The following CCDC196 variants were observed in gnomAD, a reference collection of about 807,000 sequenced individuals.
CCDC196 encodes the protein coiled-coil domain-containing protein 196.
chr14:66,491,232 C>T (rs1037081163), intron 6 of CCDC196, 128 bp downstream of exon 6: 1 of 400,212 alleles, frequency 2.5e-6, no homozygotes, highest in Non-Finnish European at 4.4e-6. Context: ...ATTTGGTTCC[C>T]TTGTGTTACT....
At chr14:66,494,816 G>A (rs1054819125) in intron 8 of CCDC196, 3 of 152,094 alleles carry the variant, frequency 2.0e-5, no homozygotes, top group Non-Finnish European at 4.4e-5. Flanking sequence ...ACGCGGTCAG[G>A]AGATTGAGAC....
intron 8 of CCDC196, among the ~76,000 whole-genome samples, chr14:66,492,466 C>T (rs952966797): frequency 4.6e-5 from 7 of 151,874 alleles, no homozygotes; most frequent in African/African-American, 1.2e-4. Flanking sequence ...CTCAGCCTTC[C>T]GAGTAGCTGG....
chr14:66,496,104 G>A (rs192664760), intron 8 of CCDC196: 3 of 348,162 alleles, frequency 8.6e-6, no homozygotes, highest in East Asian at 1.5e-4. Flanking sequence ...ACTTAACAGT[G>A]TTACAGGACA....
intron 2 of CCDC196, 36 bp downstream of exon 2, chr14:66,486,845 A>C (rs913895095): frequency 7.3e-6 from 3 of 412,424 alleles, no homozygotes; most frequent in Non-Finnish European, 1.3e-5. Flanking sequence ...AGAGGTAAAA[A>C]GGCTGGAGAA....
intron 8 of CCDC196, chr14:66,496,451 T>A: frequency 2.2e-6 from 1 of 446,720 alleles, no homozygotes; most frequent in South Asian, 1.6e-5. Flanking sequence ...GTCATCCATG[T>A]TATCTCTTTG....
intron 8 of CCDC196, among the ~76,000 whole-genome samples, chr14:66,493,121 C>A (rs184542536): frequency 3.9e-4 from 58 of 149,448 alleles, no homozygotes; most frequent in Admixed American, 8.6e-4. Context: ...CAAGGGATGA[C>A]AATGTTCTAT....
rs368752530 is a variant in CCDC196 at position 66,488,674 on chromosome 14, G to T, written c.301-313G>T. ...GGATCTTAAAAATTAAAAATTAGTG[G>T]TCTAAGCCCCCAAGAAATGGCCACA... On this transcript the variant is annotated intron_variant, in intron 3 of 9. Transcript: ENST00000636229. Among the ~76,000 whole-genome samples the T allele has an allele frequency of 5.3e-5, 8 of 152,100 alleles. No individual in the cohort carries two copies. The East Asian group carries it at 1.4e-3, about 26-fold the overall frequency.
chr14:66,488,397 C>G, intron 3 of CCDC196, 141 bp downstream of exon 3: 1 of 394,634 alleles, frequency 2.5e-6, no homozygotes, highest in Non-Finnish European at 4.5e-6. Flanking sequence ...TCTAGAAAGT[C>G]CAGGGTGACC....
chr14:66,490,605 C>G (rs970248643), intron 4 of CCDC196, 137 bp from the exon 5 acceptor site: 2 of 396,464 alleles, frequency 5.0e-6, no homozygotes, highest in Non-Finnish European at 8.9e-6. Context: ...TCTCAACTCC[C>G]TTTGGTAGTA....
intron 8 of CCDC196, chr14:66,496,276 C>T (rs1301249168): frequency 2.2e-6 from 1 of 456,262 alleles, no homozygotes; most frequent in South Asian, 1.5e-5. Flanking sequence ...GTACTCTTAG[C>T]CAAGAATTCC....
Position 66,488,251 on chromosome 14 carries a change from A to C in CCDC196, c.295A>C (p.Asn99His). The C allele has an allele frequency of 4.8e-6, 2 of 413,024 alleles. No individual in the cohort carries two copies. The highest frequency in any genetic ancestry group is 4.1e-5 in the African/African-American group (2 of 48,736). 25.6% of individuals were successfully genotyped at this position (413,024 alleles called of 1,614,324 possible). A position where few individuals can be genotyped will look rare whatever the true frequency, so the allele number is the denominator to read the frequency against. The change falls in exon 3 of 10, where the codon AAC becomes CAC. Residue 99 changes from asparagine (N) to histidine (H), a missense_variant. By Grantham distance (68) the Asn-to-His change is moderately conservative. Coordinates refer to ENST00000636229, the MANE Select transcript of CCDC196 (RefSeq NM_001351576.1). ...LLKEAEEMKQ[N>H]LERKNKMLRK... ...TAAGGAAGCAGAGGAGATGAAACAG[A>C]ACTTGGTAAGAAGTAGGAGGGACTC...
chr14:66,490,705 C>T (rs1194886254), intron 4 of CCDC196, 37 bp from the exon 5 acceptor site: 4 of 398,992 alleles, frequency 1.0e-5, no homozygotes, highest in Admixed American at 4.4e-5. Context: ...CTTTAATTTC[C>T]ACTACTTTAA....
chr14:66,486,591 T>A lies in CCDC196; in HGVS notation c.50+39T>A, dbSNP rs1200137463. The A allele has an allele frequency of 2.1e-4, 17 of 80,932 alleles. No individual in the cohort carries two copies. In the East Asian group the frequency reaches 3.6e-3, roughly 17 times the overall value. 5.0% of individuals were successfully genotyped at this position (80,932 alleles called of 1,614,324 possible). ...GGAAAATGCTGAATAGAAAAGAGGGTCTCTCTCTCTCTCTCTCTCTCTCAA... is the reference window on the plus strand; with the variant it reads ...GGAAAATGCTGAATAGAAAAGAGGGACTCTCTCTCTCTCTCTCTCTCTCAA... On this transcript the variant is annotated intron_variant, in intron 1 of 9. Transcript: ENST00000636229.
At chr14:66,497,190 C>T (rs972013443) in intron 8 of CCDC196, among the ~76,000 whole-genome samples, 3 of 152,144 alleles carry the variant, frequency 2.0e-5, no homozygotes, top group African/African-American at 7.2e-5. Flanking sequence ...TTGAGGCAAC[C>T]TGAACCTTTT....
chr14:66,489,107 G>T, intron 4 of CCDC196, 70 bp downstream of exon 4: 1 of 412,790 alleles, frequency 2.4e-6, no homozygotes, highest in South Asian at 1.3e-4. Flanking sequence ...CCTTTCCTCT[G>T]GCCCCCATCC....
intron 8 of CCDC196, among the ~76,000 whole-genome samples, chr14:66,493,093 G>A (rs1458709268): frequency 2.6e-5 from 4 of 152,128 alleles, no homozygotes; most frequent in Non-Finnish European, 4.4e-5. Context: ...AAAAGGACAC[G>A]AGATGGGAAA....
chr14:66,489,204 A>T (rs2057481045), intron 4 of CCDC196, among the ~76,000 whole-genome samples, 167 bp downstream of exon 4: 1 of 152,208 alleles, frequency 6.6e-6, no homozygotes, highest in South Asian at 2.1e-4. Flanking sequence ...TAAAACAATC[A>T]AAGCATGTTA....
chr14:66,498,539 A>G lies in CCDC196; in HGVS notation c.*67A>G. 2.4e-6 allele frequency: 1 copy of G among 410,306 alleles called. No homozygotes were observed. Among genetic ancestry groups the G allele is most frequent in the Non-Finnish European group, 4.5e-6 (1 of 224,626 alleles). 25.4% of individuals were successfully genotyped at this position (410,306 alleles called of 1,614,324 possible). On this transcript the variant is annotated 3_prime_UTR_variant, in exon 10 of 10. Transcript: ENST00000636229. Reference sequence around the variant, plus strand: ...GGCACAGCCATTTGTGTTAATTAAAATCTCTCGCACCTTTGTTTTAGTGCT... The same window carrying G: ...GGCACAGCCATTTGTGTTAATTAAAGTCTCTCGCACCTTTGTTTTAGTGCT...
rs1397588380 is a variant in CCDC196, at chr14:66,486,461, T to C, written c.-42T>C. 2.5e-6 allele frequency: 1 copy of C among 405,932 alleles called. No homozygotes were observed. Among genetic ancestry groups the C allele is most frequent in the African/African-American group, 2.1e-5 (1 of 48,604 alleles). 25.1% of individuals were successfully genotyped at this position (405,932 alleles called of 1,614,324 possible). Reference sequence around the variant, plus strand: ...AACTGGATAGAAAAAAAGGCACATATTTTCAGGAAGGCCTCTTTATTCTTA... The same window carrying C: ...AACTGGATAGAAAAAAAGGCACATACTTTCAGGAAGGCCTCTTTATTCTTA... On this transcript the variant is annotated 5_prime_UTR_variant, in exon 1 of 10. Coordinates refer to ENST00000636229, the MANE Select transcript of CCDC196 (RefSeq NM_001351576.1).
Sources: allele counts gnomAD v4.1 joint callset (sites outside exome capture counted in the v4.1 genomes callset), GRCh38; gene constraint gnomAD v4.1.1; transcripts MANE v1.5; gene names NCBI Gene and HGNC (gene_info 2026-07-23, HGNC 2026-07-21).